Variants in SLC35F3 observed in about 807,000 individuals in gnomAD.
SLC35F3 encodes solute carrier family 35 member F3.
SLC35F3 carries 25 observed loss-of-function variants against 49.9 expected under a neutral mutation model. The observed-to-expected ratio is 0.50, with a 90% CI of 0.37 to 0.70. The LOEUF (loss-of-function observed/expected upper bound fraction) is 0.70. SLC35F3 is among the 30% of genes least tolerant of loss of function. SLC35F3 has a pLI of 0.00. For synonymous variants in SLC35F3, 275 were observed against 265.4 expected (o/e 1.04, Z -0.35); for missense variants, 525 against 639.8 (o/e 0.82, Z 1.94).
At chr1:234,076,995 T>G (rs1226006195) in intron 2 of SLC35F3, among the ~76,000 whole-genome samples, 2 of 120,024 alleles carry the variant, frequency 1.7e-5, no homozygotes, top group Non-Finnish European at 3.2e-5. Flanking sequence ...AGGTTTTTTT[T>G]TTGTTTTTTT....
chr1:234,285,194 G>A (rs915512076), intron 3 of SLC35F3: 1 of 368,988 alleles, frequency 2.7e-6, no homozygotes, highest in African/African-American at 2.1e-5. Context: ...ACTACGTGTA[G>A]ACTCATGCAC....
chr1:234,127,170 A>C (rs1052015654), intron 2 of SLC35F3, among the ~76,000 whole-genome samples: 2 of 152,150 alleles, frequency 1.3e-5, no homozygotes, highest in African/African-American at 2.4e-5. Context: ...GTCCTTTATG[A>C]TACCTAATTG....
chr1:234,067,217 A>G (rs1664635160), intron 2 of SLC35F3, among the ~76,000 whole-genome samples: 1 of 152,106 alleles, frequency 6.6e-6, no homozygotes, highest in South Asian at 2.1e-4. Context: ...TGAGATCTCA[A>G]CTTAGGGGTT....
intron 2 of SLC35F3, among the ~76,000 whole-genome samples, chr1:233,971,501 C>A (rs758925436): frequency 1.4e-4 from 21 of 152,162 alleles, no homozygotes; most frequent in Non-Finnish European, 2.5e-4. Flanking sequence ...GCGGGTGGAT[C>A]ACAAGGTCAG....
chr1:234,161,612 T>G (rs537716874), intron 2 of SLC35F3, among the ~76,000 whole-genome samples: 1 of 152,062 alleles, frequency 6.6e-6, no homozygotes, highest in Non-Finnish European at 1.5e-5. Context: ...ATTTTCCAGT[T>G]GCTAGCAGCT....
intron 2 of SLC35F3, among the ~76,000 whole-genome samples, chr1:234,072,614 T>C (rs933883539): frequency 1.3e-5 from 2 of 152,064 alleles, no homozygotes; most frequent in East Asian, 3.9e-4. Flanking sequence ...GTGAAGATAA[T>C]TGAACAGAGA....
At chr1:234,085,119 A>C (rs1412243743) in intron 2 of SLC35F3, among the ~76,000 whole-genome samples, 1 of 152,230 alleles carries the variant, frequency 6.6e-6, no homozygotes, top group Non-Finnish European at 1.5e-5. Context: ...GTTAGCCTAG[A>C]AGGGAGAGTC....
chr1:234,130,290 A>C (rs1448950676), intron 2 of SLC35F3, among the ~76,000 whole-genome samples: 1 of 152,162 alleles, frequency 6.6e-6, no homozygotes, highest in African/African-American at 2.4e-5. Flanking sequence ...TATCAGGGAA[A>C]TTCATACATA....
chr1:234,049,646 GT>G (rs1307999624), intron 2 of SLC35F3, among the ~76,000 whole-genome samples: 1 of 151,898 alleles, frequency 6.6e-6, no homozygotes, highest in African/African-American at 2.4e-5. Flanking sequence ...TTGTTTGTTT[GT>G]TTTATTATAC....
chr1:234,281,913 A>G (rs1356988846), intron 3 of SLC35F3, among the ~76,000 whole-genome samples: 5 of 152,138 alleles, frequency 3.3e-5, no homozygotes, highest in Non-Finnish European at 5.9e-5. Flanking sequence ...AATCACTGTC[A>G]GAGCTGCAGC....
intron 3 of SLC35F3, 84 bp from the exon 4 acceptor site, chr1:234,309,017 A>T (rs1201827523): frequency 2.1e-5 from 18 of 841,696 alleles, no homozygotes; most frequent in Admixed American, 1.4e-4. Flanking sequence ...TATTTGCTTA[A>T]AAAAAAAAAA....
intron 2 of SLC35F3, among the ~76,000 whole-genome samples, chr1:233,974,676 G>A (rs560525203): frequency 2.0e-5 from 3 of 151,984 alleles, no homozygotes; most frequent in South Asian, 2.1e-4. Context: ...TCATAGTTTC[G>A]AAGCAGTGGC....
intron 2 of SLC35F3, among the ~76,000 whole-genome samples, chr1:234,140,002 A>AATAAAATAAAATAAAAT: frequency 2.8e-5 from 3 of 105,368 alleles, no homozygotes; most frequent in Admixed American, 9.0e-5. Flanking sequence ...AATAAAATAA[A>AATAAAATAAAATAAAAT]GTAAGTGACT....
chr1:233,932,330 G>C (rs1286343825), intron 2 of SLC35F3, among the ~76,000 whole-genome samples: 1 of 152,232 alleles, frequency 6.6e-6, no homozygotes, highest in East Asian at 1.9e-4. Flanking sequence ...TGTCTCAGGG[G>C]TGGCAGAGGC....
At chr1:234,151,989 CT>C (rs5781777) in intron 2 of SLC35F3, among the ~76,000 whole-genome samples, 3,906 of 150,404 alleles carry the variant, frequency 0.026, 171 homozygotes, top group African/African-American at 0.089. Context: ...CCTTCTCTCC[CT>C]TTTTTTTTAT....
rs1445126118 is a variant in SLC35F3 at position 234,143,284 on chromosome 1, TTTTC to T, written c.284-88129_284-88126del. ...CTATGAGTTTGACTCTTTTCTTTTCTTTTCTTTTTTTTTTTTTTTTTGAGATAAA... is the reference window on the plus strand; with the variant it reads ...CTATGAGTTTGACTCTTTTCTTTTCTTTTTTTTTTTTTTTTTTGAGATAAA... On this transcript the variant is annotated intron_variant, in intron 2 of 7. Coordinates refer to ENST00000366618, the MANE Select transcript of SLC35F3 (RefSeq NM_173508.4). Among the ~76,000 whole-genome samples the T allele has an allele frequency of 7.4e-4, 89 of 120,438 alleles. 1 individual carries two copies. The highest frequency in any genetic ancestry group is 3.8e-3 in the African/African-American group (87 of 23,056). The allele number at this position is 120,438 out of a possible 152,430, so 79.0% of individuals were successfully genotyped here. A position where few individuals can be genotyped will look rare whatever the true frequency, so the allele number is the denominator to read the frequency against.
intron 2 of SLC35F3, among the ~76,000 whole-genome samples, chr1:233,964,866 G>C (rs923363835): frequency 2.0e-5 from 3 of 152,174 alleles, no homozygotes; most frequent in Non-Finnish European, 4.4e-5. Flanking sequence ...TGCTGTGATT[G>C]AGAATTCAGG....
At chr1:234,146,396 A>T (rs1665995715) in intron 2 of SLC35F3, among the ~76,000 whole-genome samples, 1 of 142,444 alleles carries the variant, frequency 7.0e-6, no homozygotes. Context: ...CCTAATTTTT[A>T]GTTTTTAATT....
chr1:233,989,358 G>A (rs1448654114), intron 2 of SLC35F3, among the ~76,000 whole-genome samples: 2 of 152,086 alleles, frequency 1.3e-5, no homozygotes, highest in Non-Finnish European at 2.9e-5. Flanking sequence ...TTGTATTATA[G>A]CAAAATCCTC....
Sources: gnomAD v4.1 joint callset for allele counts (sites outside exome capture counted in the v4.1 genomes callset) on GRCh38, gnomAD v4.1.1 for gene constraint, MANE v1.5 for transcripts, NCBI Gene and HGNC (gene_info 2026-07-23, HGNC 2026-07-21) for gene names.